The following L3MBTL4 variants were observed in gnomAD, a reference collection of about 807,000 sequenced individuals.
The protein encoded by L3MBTL4 is L3MBTL histone methyl-lysine binding protein 4.
Under a neutral mutation model 84.5 loss-of-function variants are expected in L3MBTL4, and 70 were observed. The observed-to-expected ratio is 0.83, with a 90% CI of 0.68 to 1.01. L3MBTL4 has a LOEUF of 1.01. Ranked by LOEUF, L3MBTL4 falls within the 50% of genes least tolerant of loss-of-function variation. The pLI is 0.00. For missense variants in L3MBTL4, 715 were observed against 754.8 expected (o/e 0.95, Z 0.62); for synonymous variants, 274 against 259.8 (o/e 1.05, Z -0.52).
intron 6 of L3MBTL4, 52 bp downstream of exon 6, chr18:6,244,432 T>G: frequency 8.9e-7 from 1 of 1,121,408 alleles, no homozygotes; most frequent in Non-Finnish European, 1.3e-6. Context: ...TTCTAGAAAA[T>G]TATCTTTCTG....
At position 6,081,738 on chromosome 18, in the gene L3MBTL4, G is replaced by A. The variant is rs183507685; in HGVS notation, c.1374-787C>T. On this transcript the variant is annotated intron_variant, in intron 15 of 18. Coordinates refer to ENST00000317931, the MANE Select transcript of L3MBTL4 (RefSeq NM_001330559.2). ...CTGTTTTAATTTCTGTGCTAGATGA[G>A]GAAACCGATTCAGTTACCAAAATCC... Among the ~76,000 whole-genome samples, 5 of 152,214 alleles carry A rather than the reference G, an allele frequency of 3.3e-5. No homozygotes were observed. The East Asian group carries it at 7.7e-4, about 23-fold the overall frequency.
chr18:6,204,250 C>T (rs1398014001), intron 12 of L3MBTL4, among the ~76,000 whole-genome samples: 2 of 152,204 alleles, frequency 1.3e-5, no homozygotes, highest in East Asian at 3.8e-4. Flanking sequence ...ACTGGCCGTG[C>T]CAAGAACTCA....
At chr18:6,049,151 A>G (rs1483655160) in intron 16 of L3MBTL4, among the ~76,000 whole-genome samples, 1 of 152,128 alleles carries the variant, frequency 6.6e-6, no homozygotes, top group African/African-American at 2.4e-5. Flanking sequence ...GCAAAATAGA[A>G]AAGAATCTTA....
At chr18:6,050,697 T>C (rs1372616075) in intron 16 of L3MBTL4, among the ~76,000 whole-genome samples, 4 of 152,198 alleles carry the variant, frequency 2.6e-5, no homozygotes, top group African/African-American at 9.7e-5. Flanking sequence ...GACTTCCGTT[T>C]TTTAATGAAA....
chr18:6,085,472 G>A (rs2058227977), intron 15 of L3MBTL4, among the ~76,000 whole-genome samples: 1 of 152,188 alleles, frequency 6.6e-6, no homozygotes. Flanking sequence ...ATCTCATTTT[G>A]AATTGTAATC....
At chr18:6,143,118 A>G (rs1489576194) in intron 13 of L3MBTL4, among the ~76,000 whole-genome samples, 2 of 152,324 alleles carry the variant, frequency 1.3e-5, no homozygotes, top group East Asian at 3.9e-4. Flanking sequence ...TGTGTGGACA[A>G]CATCCTACAC....
intron 13 of L3MBTL4, among the ~76,000 whole-genome samples, chr18:6,145,658 A>G (rs1236092115): frequency 6.6e-6 from 1 of 152,090 alleles, no homozygotes; most frequent in Non-Finnish European, 1.5e-5. Context: ...ATGTACAAAC[A>G]CTGCTTCTTT....
intron 18 of L3MBTL4, among the ~76,000 whole-genome samples, chr18:5,958,830 C>G (rs1022144161): frequency 2.0e-5 from 3 of 152,148 alleles, no homozygotes; most frequent in Non-Finnish European, 4.4e-5. Context: ...AGCAATCTGC[C>G]TAAAGTGACA....
chr18:6,400,815 A>T (rs1010277701), intron 1 of L3MBTL4, among the ~76,000 whole-genome samples: 1 of 152,192 alleles, frequency 6.6e-6, no homozygotes, highest in African/African-American at 2.4e-5. Context: ...AGCAACTGGG[A>T]ACTGTAATCT....
At chr18:6,101,067 G>A (rs12967066) in intron 14 of L3MBTL4, among the ~76,000 whole-genome samples, 27,914 of 152,160 alleles carry the variant, frequency 0.18, 3,223 homozygotes, top group African/African-American at 0.34. Flanking sequence ...GTTTCCTGGG[G>A]TGTTTGGTCA....
intron 14 of L3MBTL4, among the ~76,000 whole-genome samples, chr18:6,110,327 T>C (rs1052978106): frequency 3.3e-5 from 5 of 152,142 alleles, no homozygotes; most frequent in Admixed American, 6.5e-5. Flanking sequence ...TTTGTATCTC[T>C]CTCTCTCGTG....
rs533397474 is a variant in L3MBTL4, at chr18:6,107,980, C to A, written c.1200-14452G>T. On this transcript the variant is annotated intron_variant, in intron 14 of 18. Transcript: ENST00000317931. ...ACAGGATTAACCACTTGAGCTCCCC[C>A]AAAAATCGCGTGCCATGCCAACAGG... is the stretch of plus-strand genomic sequence containing the variant. 7.9e-5 allele frequency among the ~76,000 whole-genome samples: 12 copies of A among 152,288 alleles called. 1 individual carries two copies. In the East Asian group the frequency reaches 2.3e-3, roughly 30 times the overall value.
At chr18:6,008,932 G>A (rs1249428378) in intron 16 of L3MBTL4, among the ~76,000 whole-genome samples, 1 of 152,168 alleles carries the variant, frequency 6.6e-6, no homozygotes, top group Non-Finnish European at 1.5e-5. Flanking sequence ...ACCTCCTTTA[G>A]GAACCCATTT....
intron 16 of L3MBTL4, among the ~76,000 whole-genome samples, chr18:6,046,104 T>C (rs909759592): frequency 2.0e-4 from 30 of 152,062 alleles, no homozygotes; most frequent in African/African-American, 7.2e-4. Flanking sequence ...TATTCCCATA[T>C]TAGATAAAAC....
At chr18:5,969,142 G>A (rs1055797760) in intron 17 of L3MBTL4, among the ~76,000 whole-genome samples, 28 of 152,082 alleles carry the variant, frequency 1.8e-4, no homozygotes, top group Admixed American at 4.6e-4. Flanking sequence ...TCTGGGCCTC[G>A]GGGGGCACTG....
At chr18:5,972,890 AAGAGAATAGAATAGAATAGAATAGAAT>A (rs2052714431) in intron 16 of L3MBTL4, among the ~76,000 whole-genome samples, 1 of 69,838 alleles carries the variant, frequency 1.4e-5, no homozygotes, top group African/African-American at 5.9e-5. Context: ...AATAGAACAG[AAGAGAATAGAATAGAATAGAATAGAAT>A]AGAATAGAAT....
intron 16 of L3MBTL4, among the ~76,000 whole-genome samples, chr18:6,012,489 T>C (rs2054781666): frequency 6.6e-6 from 1 of 152,124 alleles, no homozygotes; most frequent in Admixed American, 6.5e-5. Context: ...GTTTCTCTTT[T>C]GATTAGTGGT....
intron 16 of L3MBTL4, among the ~76,000 whole-genome samples, chr18:6,017,096 C>CTTCACGGGATGCTGGTCCTGCCCA (rs376225853): frequency 4.6e-5 from 7 of 152,300 alleles, no homozygotes; most frequent in African/African-American, 1.7e-4. Flanking sequence ...ACACAACACC[C>CTTCACGGGATGCTGGTCCTGCCCA]TTCACGGGAT....
chr18:6,214,700 A>C (rs567718515), intron 11 of L3MBTL4, among the ~76,000 whole-genome samples: 32 of 152,328 alleles, frequency 2.1e-4, no homozygotes, highest in African/African-American at 7.5e-4. Context: ...ATCCCGGAGA[A>C]TCTTTCTGTT....
Sources: allele counts gnomAD v4.1 joint callset (sites outside exome capture counted in the v4.1 genomes callset), GRCh38; gene constraint gnomAD v4.1.1; transcripts MANE v1.5; gene names NCBI Gene and HGNC (gene_info 2026-07-23, HGNC 2026-07-21).